Variants in CPE observed in about 807,000 individuals in gnomAD.
CPE encodes carbocypeptidase E.
A neutral mutation model predicts 53.5 loss-of-function variants in CPE; 17 were observed. The ratio of observed to expected loss-of-function variants is 0.32; its 90% CI spans 0.22 to 0.48. The LOEUF (loss-of-function observed/expected upper bound fraction) is 0.48, where lower values mean the gene tolerates loss of function less well. Ranked by LOEUF, CPE falls within the 20% of genes least tolerant of loss-of-function variation. CPE has a pLI of 0.99. For missense variants in CPE, 524 were observed against 614.7 expected (o/e 0.85, Z 1.56); for synonymous variants, 226 against 228.8 (o/e 0.99, Z 0.11).
At chr4:165,406,223 G>T in intron 1 of CPE, 1 of 660,482 alleles carries the variant, frequency 1.5e-6, no homozygotes, top group South Asian at 1.4e-5. Flanking sequence ...TGACTCCATA[G>T]TTAATATGGG....
At chr4:165,387,263 A>G (rs1730608728) in intron 1 of CPE, among the ~76,000 whole-genome samples, 1 of 152,216 alleles carries the variant, frequency 6.6e-6, no homozygotes, top group Non-Finnish European at 1.5e-5. Flanking sequence ...GGAGTATTAA[A>G]GAGATGGCTG....
At chr4:165,401,679 G>A (rs141394958) in intron 1 of CPE, among the ~76,000 whole-genome samples, 92 of 152,290 alleles carry the variant, frequency 6.0e-4, no homozygotes, top group African/African-American at 2.1e-3. Flanking sequence ...TGGAACATCT[G>A]CCTTCCTGAG....
At chr4:165,429,826 A>T (rs1183424829) in intron 1 of CPE, among the ~76,000 whole-genome samples, 1 of 151,630 alleles carries the variant, frequency 6.6e-6, no homozygotes, top group Admixed American at 6.6e-5. Flanking sequence ...ATAAGAAATT[A>T]TGTCATTGTT....
At chr4:165,462,729 T>A (rs576626642) in intron 1 of CPE, among the ~76,000 whole-genome samples, 9 of 152,236 alleles carry the variant, frequency 5.9e-5, no homozygotes, top group Admixed American at 2.0e-4. Context: ...CTAGGGGTAA[T>A]TTTATTAGAG....
At chr4:165,406,383 C>T (rs1201986914) in intron 1 of CPE, 1 of 418,664 alleles carries the variant, frequency 2.4e-6, no homozygotes, top group East Asian at 5.9e-5. Context: ...GAGAGCGCTT[C>T]TCTTTAATTT....
chr4:165,481,376 T>C (rs1407803070), intron 3 of CPE, among the ~76,000 whole-genome samples: 1 of 152,144 alleles, frequency 6.6e-6, no homozygotes, highest in Non-Finnish European at 1.5e-5. Context: ...AAATATGAGA[T>C]CTTATAACCA....
At chr4:165,446,490 TTTTGTTTTGC>T (rs929433356) in intron 1 of CPE, among the ~76,000 whole-genome samples, 14 of 152,070 alleles carry the variant, frequency 9.2e-5, no homozygotes, top group South Asian at 2.1e-4. Flanking sequence ...AAATTAGAGT[TTTTGTTTTGC>T]TTTGTTTTGT....
intron 7 of CPE, 82 bp from the exon 8 acceptor site, chr4:165,495,477 A>G (rs1274461474): frequency 2.3e-6 from 2 of 861,524 alleles, no homozygotes; most frequent in African/African-American, 1.7e-5. Context: ...TAGACTGGGT[A>G]TTCCTTAGAT....
intron 1 of CPE, among the ~76,000 whole-genome samples, chr4:165,394,035 G>A (rs2126657098): frequency 6.6e-6 from 1 of 152,246 alleles, no homozygotes; most frequent in East Asian, 1.9e-4. Context: ...AAAAAGGAGA[G>A]GGTATGTAGA....
chr4:165,461,188 G>GAAAAAAAAAGAA (rs1553976642), intron 1 of CPE, among the ~76,000 whole-genome samples: 1 of 81,208 alleles, frequency 1.2e-5, no homozygotes, highest in Non-Finnish European at 2.3e-5. Context: ...AAAAAAAAAA[G>GAAAAAAAAAGAA]AAAGAAAGAA....
At chr4:165,490,183 T>G (rs1732575231) in intron 6 of CPE, among the ~76,000 whole-genome samples, 1 of 152,204 alleles carries the variant, frequency 6.6e-6, no homozygotes, top group African/African-American at 2.4e-5. Flanking sequence ...TGTAATTGTT[T>G]GAGAGGAAAT....
intron 1 of CPE, among the ~76,000 whole-genome samples, chr4:165,440,074 C>G (rs1453273096): frequency 6.6e-6 from 1 of 152,170 alleles, no homozygotes; most frequent in East Asian, 1.9e-4. Context: ...ATCAGCCTTT[C>G]TTGCCTTCTT....
chr4:165,443,352 G>A (rs1444427308), intron 1 of CPE, among the ~76,000 whole-genome samples: 2 of 152,064 alleles, frequency 1.3e-5, no homozygotes, highest in Middle Eastern at 3.2e-3. Flanking sequence ...CTATTCTAAG[G>A]TCCTTTAATA....
chr4:165,448,893 A>C (rs144885434), intron 1 of CPE, among the ~76,000 whole-genome samples: 199 of 152,310 alleles, frequency 1.3e-3, no homozygotes, highest in African/African-American at 4.3e-3. Context: ...GTGGTGCTAC[A>C]TCGTGGGTTG....
At chr4:165,437,580 T>C (rs1211089100) in intron 1 of CPE, among the ~76,000 whole-genome samples, 2 of 152,186 alleles carry the variant, frequency 1.3e-5, no homozygotes, top group Non-Finnish European at 2.9e-5. Flanking sequence ...GTTGTGGCTC[T>C]TGAGATCATT....
chr4:165,495,724 T>C lies in CPE; in HGVS notation c.1332+47T>C, dbSNP rs777619075. The C allele has an allele frequency of 3.8e-6, 5 of 1,332,776 alleles. No homozygotes were observed. In the South Asian group the frequency reaches 5.0e-5, roughly 13 times the overall value. The allele number at this position is 1,332,776 out of a possible 1,614,324, so 82.6% of individuals were successfully genotyped here. A position where few individuals can be genotyped will look rare whatever the true frequency, so the allele number is the denominator to read the frequency against. ...CAAACGCTATAATAATAATTAAGCA[T>C]TTATCATTGTCAGGCATACTGAAGT... On this transcript the variant is annotated intron_variant, in intron 8 of 8. Coordinates refer to ENST00000402744, the MANE Select transcript of CPE (RefSeq NM_001873.4).
chr4:165,483,177 C>T (rs1481459854), intron 4 of CPE, among the ~76,000 whole-genome samples: 1 of 152,030 alleles, frequency 6.6e-6, no homozygotes, highest in Non-Finnish European at 1.5e-5. Context: ...TCCCCAGGGT[C>T]TATTATTTCC....
chr4:165,468,224 T>C (rs1003830155), intron 3 of CPE, among the ~76,000 whole-genome samples: 2 of 152,224 alleles, frequency 1.3e-5, no homozygotes, highest in African/African-American at 4.8e-5. Context: ...TACAAAACTC[T>C]ACTTTCTCCT....
chr4:165,490,936 T>C (rs1732592222), intron 6 of CPE, among the ~76,000 whole-genome samples: 1 of 152,222 alleles, frequency 6.6e-6, no homozygotes, highest in Non-Finnish European at 1.5e-5. Context: ...GTAAAACAGC[T>C]TCTCCAGGCA....
Sources: allele counts gnomAD v4.1 joint callset (sites outside exome capture counted in the v4.1 genomes callset), GRCh38; gene constraint gnomAD v4.1.1; transcripts MANE v1.5; gene names NCBI Gene and HGNC (gene_info 2026-07-23, HGNC 2026-07-21).